Variants in ZNF713 observed in about 807,000 individuals in gnomAD.
The protein encoded by ZNF713 is zinc finger protein 713.
ZNF713 carries 21 observed loss-of-function variants against 28.7 expected under a neutral mutation model. The ratio of observed to expected loss-of-function variants is 0.73; its 90% CI spans 0.52 to 1.05. The LOEUF is 1.05. Ranked by LOEUF, ZNF713 falls within the 50% of genes least tolerant of loss-of-function variation. The probability of loss-of-function intolerance (pLI) is 0.00; values close to 1 mark genes in which losing one functional copy is unlikely to be tolerated. For synonymous variants in ZNF713, 167 were observed against 178.0 expected (o/e 0.94, Z 0.49); for missense variants, 458 against 532.4 (o/e 0.86, Z 1.37).
At chr7:55,905,648 G>C (rs1160206801) in intron 1 of ZNF713, among the ~76,000 whole-genome samples, 1 of 151,978 alleles carries the variant, frequency 6.6e-6, no homozygotes. Flanking sequence ...ACCCATTGCA[G>C]GGCGCACATG....
At chr7:55,913,654 A>C (rs78244556) in intron 4 of ZNF713, among the ~76,000 whole-genome samples, 86 of 152,322 alleles carry the variant, frequency 5.6e-4, no homozygotes, top group African/African-American at 2.1e-3. Context: ...ATTAGGTGTT[A>C]GCAATACTAC....
At chr7:55,902,749 C>T (rs1785600290) in intron 1 of ZNF713, among the ~76,000 whole-genome samples, 1 of 151,998 alleles carries the variant, frequency 6.6e-6, no homozygotes, top group Non-Finnish European at 1.5e-5. Context: ...AAAAATAAAA[C>T]TGAATGCAGT....
chr7:55,895,267 G>A (rs182654673), intron 1 of ZNF713, among the ~76,000 whole-genome samples: 4 of 152,196 alleles, frequency 2.6e-5, no homozygotes, highest in Admixed American at 6.6e-5. Flanking sequence ...AAGGGAATAC[G>A]TATACCAGAA....
chr7:55,910,820 T>G (rs1785770890), intron 2 of ZNF713, among the ~76,000 whole-genome samples: 1 of 152,108 alleles, frequency 6.6e-6, no homozygotes, highest in Admixed American at 6.5e-5. Context: ...CTTCTACCCA[T>G]GGGTTCTGTG....
intron 6 of ZNF713, among the ~76,000 whole-genome samples, chr7:55,935,013 T>C (rs1786317277): frequency 6.6e-6 from 1 of 151,492 alleles, no homozygotes; most frequent in Admixed American, 6.6e-5. Flanking sequence ...CTCAGCCTCC[T>C]GAGTAGCTGG....
At chr7:55,913,253 G>A (rs1340344003) in intron 4 of ZNF713, among the ~76,000 whole-genome samples, 2 of 140,774 alleles carry the variant, frequency 1.4e-5, no homozygotes, top group African/African-American at 2.7e-5. Flanking sequence ...CCAGGCTGGA[G>A]TGCAGTGGCA....
chr7:55,940,112 T>C lies in ZNF713; in HGVS notation c.*106T>C, dbSNP rs141735238. 1.6e-4 allele frequency: 238 copies of C among 1,450,808 alleles called. 1 individual carries two copies. The African/African-American group carries it at 3.0e-3, about 18-fold the overall frequency. 89.9% of individuals were successfully genotyped at this position (1,450,808 alleles called of 1,614,324 possible). On this transcript the variant is annotated 3_prime_UTR_variant, in exon 7 of 7. Transcript: ENST00000429591. ...TTATTCATAGTGGAGAGAAAGCTTA[T>C]ACATAAATTTTTGTTTTGTTTTGTT...
chr7:55,907,567 A>G (rs538108001), intron 2 of ZNF713, among the ~76,000 whole-genome samples: 5 of 152,300 alleles, frequency 3.3e-5, no homozygotes, highest in Non-Finnish European at 5.9e-5. Context: ...CTAATAGTGA[A>G]CATTGCACCT....
chr7:55,923,747 A>C, intron 6 of ZNF713, 48 bp downstream of exon 6: 1 of 1,466,178 alleles, frequency 6.8e-7, no homozygotes, highest in Non-Finnish European at 9.5e-7. Context: ...GAAAACAGCC[A>C]CTTCTGAACC....
In ZNF713 at chr7:55,926,678, C is replaced by T. The variant is rs1472504426; in HGVS notation, c.307+2979C>T. Among the ~76,000 whole-genome samples the T allele has an allele frequency of 7.2e-5, 11 of 151,964 alleles. No homozygotes were observed. The East Asian group carries it at 2.1e-3, about 29-fold the overall frequency. ...AGCTAAGCTGAGACCTGGAAAATAC[C>T]CAGTAGATTTAGCAGCAAGAAAATT... On this transcript the variant is annotated intron_variant, in intron 6 of 6. Transcript: ENST00000429591.
rs1219266725 is a variant in ZNF713, at chr7:55,940,745, A to C, written c.*739A>C. ...AACAGAGCAAGACTCTGTCTCAAAA[A>C]AAAAAAAGAAAGAAAGCCTATAGGC... On this transcript the variant is annotated 3_prime_UTR_variant, in exon 7 of 7. Transcript: ENST00000429591. 5.9e-6 allele frequency: 1 copy of C among 168,528 alleles called. No homozygotes were observed. The highest frequency in any genetic ancestry group is 6.6e-5 in the Admixed American group (1 of 15,178). 10.4% of individuals were successfully genotyped at this position (168,528 alleles called of 1,614,324 possible). A position where few individuals can be genotyped will look rare whatever the true frequency, so the allele number is the denominator to read the frequency against.
rs768910135 is a variant in ZNF713 at position 55,889,952 on chromosome 7, T to G, written c.-583+2272T>G. On this transcript the variant is annotated intron_variant, in intron 1 of 6. Transcript: ENST00000429591. ...ACAACAGAAATGTGGTATCTCACAG[T>G]TCTAGAGGTGGGAAGTTCAAAATCA... is the stretch of plus-strand genomic sequence containing the variant. Among the ~76,000 whole-genome samples the G allele has an allele frequency of 4.6e-5, 7 of 152,238 alleles. No individual in the cohort carries two copies. In the South Asian group the frequency reaches 1.5e-3, roughly 32 times the overall value.
At chr7:55,893,244 GAAACAT>G (rs1007056683) in intron 1 of ZNF713, among the ~76,000 whole-genome samples, 6 of 152,096 alleles carry the variant, frequency 3.9e-5, no homozygotes, top group Admixed American at 2.0e-4. Context: ...AAGATACAGG[GAAACAT>G]AAACATAAAC....
At chr7:55,904,463 TAAAAA>T (rs71015118) in intron 1 of ZNF713, among the ~76,000 whole-genome samples, 3 of 41,290 alleles carry the variant, frequency 7.3e-5, no homozygotes, top group African/African-American at 2.6e-4. Context: ...ACTGTATCTT[TAAAAA>T]AAAAAAAAAA....
chr7:55,935,906 G>T (rs1379081337), intron 6 of ZNF713, among the ~76,000 whole-genome samples: 1 of 151,962 alleles, frequency 6.6e-6, no homozygotes, highest in Non-Finnish European at 1.5e-5. Context: ...AATGAGCCGA[G>T]ATCACGCCAC....
At chr7:55,922,269 G>T (rs1786006571) in intron 4 of ZNF713, among the ~76,000 whole-genome samples, 1 of 152,170 alleles carries the variant, frequency 6.6e-6, no homozygotes, top group Non-Finnish European at 1.5e-5. Context: ...GCCGGGCACA[G>T]TGGCTTAACG....
At chr7:55,900,162 A>G (rs1785548875) in intron 1 of ZNF713, among the ~76,000 whole-genome samples, 1 of 152,138 alleles carries the variant, frequency 6.6e-6, no homozygotes, top group Admixed American at 6.5e-5. Context: ...TGTCCATTGG[A>G]TGAATGGATT....
rs550859154 is a variant in ZNF713, at chr7:55,932,920, A to G, written c.308-6062A>G. On this transcript the variant is annotated intron_variant, in intron 6 of 6. Coordinates refer to ENST00000429591, the MANE Select transcript of ZNF713 (RefSeq NM_182633.3). ...AAAAAAAAAAAAAAAAGAAGCTACA[A>G]CCTAAATGTGAATTGGTTAAAAATA... 6.2e-5 allele frequency among the ~76,000 whole-genome samples: 9 copies of G among 145,768 alleles called. No homozygotes were observed. The East Asian group carries it at 1.9e-3, about 30-fold the overall frequency.
intron 1 of ZNF713, among the ~76,000 whole-genome samples, chr7:55,891,544 A>AAC (rs1785379468): frequency 6.8e-6 from 1 of 146,118 alleles, no homozygotes; most frequent in African/African-American, 2.5e-5. Flanking sequence ...ACAACAACAA[A>AAC]AAGCCACACG....
Sources: allele counts gnomAD v4.1 joint callset (sites outside exome capture counted in the v4.1 genomes callset), GRCh38; gene constraint gnomAD v4.1.1; transcripts MANE v1.5; gene names NCBI Gene and HGNC (gene_info 2026-07-23, HGNC 2026-07-21).